RBX1: variants seen among roughly 807,000 people sequenced by gnomAD.
RBX1 encodes E3 ubiquitin-protein ligase RBX1.
For synonymous variants in RBX1, 48 were observed against 47.9 expected (o/e 1.00, Z -0.01); for missense variants, 46 against 141.4 (o/e 0.33, Z 3.42).
rs1336069832 is a variant in RBX1, at chr22:40,972,740, C to G, written c.*252C>G. Reference sequence around the variant, plus strand: ...TCCCCTTCCAAGGCTGAAAACTCAGCTTTTGAAAGTGAAATGTTTGTTCAT... The same window carrying G: ...TCCCCTTCCAAGGCTGAAAACTCAGGTTTTGAAAGTGAAATGTTTGTTCAT... On this transcript the variant is annotated 3_prime_UTR_variant, in exon 5 of 5. Transcript: ENST00000216225. 2.2e-6 allele frequency: 1 copy of G among 444,538 alleles called. No homozygotes were observed. Among genetic ancestry groups the G allele is most frequent in the East Asian group, 3.8e-5 (1 of 26,218 alleles). 27.5% of individuals were successfully genotyped at this position (444,538 alleles called of 1,614,324 possible).
At chr22:40,956,414 T>A (rs1203757757) in intron 2 of RBX1, among the ~76,000 whole-genome samples, 6 of 148,848 alleles carry the variant, frequency 4.0e-5, no homozygotes, top group South Asian at 2.1e-4. Flanking sequence ...TTTTTTTTTT[T>A]AAAGACAGAG....
At chr22:40,967,920 A>G (rs778912574) in intron 4 of RBX1, 36 bp downstream of exon 4, 2 of 1,452,892 alleles carry the variant, frequency 1.4e-6, no homozygotes, top group South Asian at 2.3e-5. Context: ...GGGCTTTTTG[A>G]CTTGCCTCAG....
intron 2 of RBX1, among the ~76,000 whole-genome samples, chr22:40,955,079 G>T (rs1353327480): frequency 1.3e-5 from 2 of 152,012 alleles, no homozygotes; most frequent in African/African-American, 2.4e-5. Context: ...AAGCCACCAT[G>T]CCCGGCCTGC....
chr22:40,962,429 G>A (rs748745788), intron 2 of RBX1, among the ~76,000 whole-genome samples: 1 of 151,508 alleles, frequency 6.6e-6, no homozygotes, highest in Admixed American at 6.6e-5. Context: ...GTATTATCAT[G>A]GTATCTCTTC....
At position 40,967,973 on chromosome 22, in the gene RBX1, G is replaced by C; in HGVS notation, c.314+89G>C. On this transcript the variant is annotated intron_variant, in intron 4 of 4. Transcript: ENST00000216225. Reference sequence around the variant, plus strand: ...CTTGGGGGATGGAGACATGATACATGCCTTGTTTTTTTTAAAACTAGTTTT... The same window carrying C: ...CTTGGGGGATGGAGACATGATACATCCCTTGTTTTTTTTAAAACTAGTTTT... The C allele has an allele frequency of 3.6e-6, 3 of 836,362 alleles. No individual in the cohort carries two copies. The South Asian group carries it at 4.4e-5, about 12-fold the overall frequency. The allele number at this position is 836,362 out of a possible 1,614,324, so 51.8% of individuals were successfully genotyped here.
chr22:40,953,832 A>G (rs945905823), intron 2 of RBX1, among the ~76,000 whole-genome samples, 199 bp downstream of exon 2: 1 of 152,186 alleles, frequency 6.6e-6, no homozygotes, highest in African/African-American at 2.4e-5. Flanking sequence ...AGCTCTCAGA[A>G]TAAATCTACT....
intron 2 of RBX1, among the ~76,000 whole-genome samples, chr22:40,955,366 T>TG (rs1170649867): frequency 6.6e-6 from 1 of 152,090 alleles, no homozygotes; most frequent in Non-Finnish European, 1.5e-5. Flanking sequence ...TCCAAAATGT[T>TG]GCGATTATAG....
At chr22:40,958,460 A>T (rs976458085) in intron 2 of RBX1, among the ~76,000 whole-genome samples, 2 of 152,200 alleles carry the variant, frequency 1.3e-5, no homozygotes, top group Admixed American at 6.5e-5. Flanking sequence ...TCTGACCTTA[A>T]ATGAGTAATT....
intron 3 of RBX1, chr22:40,966,545 G>T (rs2058354935): frequency 6.6e-6 from 1 of 152,180 alleles, no homozygotes; most frequent in African/African-American, 2.4e-5. Flanking sequence ...ACAAGAGTCA[G>T]CTGAAAAGGG....
At chr22:40,957,477 C>T (rs573079621) in intron 2 of RBX1, among the ~76,000 whole-genome samples, 1 of 151,054 alleles carries the variant, frequency 6.6e-6, no homozygotes, top group Admixed American at 6.6e-5. Flanking sequence ...GAAACCCTGT[C>T]TCTACAAAAA....
intron 4 of RBX1, 106 bp downstream of exon 4, chr22:40,967,990 A>G: frequency 1.4e-6 from 1 of 738,698 alleles, no homozygotes; most frequent in Non-Finnish European, 2.4e-6. Context: ...TTTTTTTAAA[A>G]CTAGTTTTTG....
chr22:40,967,780 AAT>A lies in RBX1; in HGVS notation c.229-14_229-13del. 6.2e-7 allele frequency: 1 copy of A among 1,607,386 alleles called. No individual in the cohort carries two copies. The highest frequency in any genetic ancestry group is 8.5e-7 in the Non-Finnish European group (1 of 1,174,312). ...GCCTGCATAGAGTTATTTTTAATAA[AAT>A]ATATGTTTTCTTTCAGCATGCTTTT... On this transcript the variant is annotated splice_polypyrimidine_tract_variant and intron_variant, in intron 3 of 4. Transcript: ENST00000216225.
intron 2 of RBX1, among the ~76,000 whole-genome samples, chr22:40,960,464 A>G (rs575092597): frequency 1.3e-5 from 2 of 152,280 alleles, no homozygotes; most frequent in Admixed American, 1.3e-4. Context: ...GACGAAGGAA[A>G]GGACTCTACC....
chr22:40,961,391 TTTATTTTTATTTTATTTTA>T (rs1441276327), intron 2 of RBX1, among the ~76,000 whole-genome samples: 1 of 151,706 alleles, frequency 6.6e-6, no homozygotes. Flanking sequence ...GACCCAATTC[TTTATTTTTATTTTATTTTA>T]TTATTTTTAT....
At chr22:40,970,762 C>A (rs1411271259) in intron 4 of RBX1, among the ~76,000 whole-genome samples, 3 of 151,888 alleles carry the variant, frequency 2.0e-5, no homozygotes, top group Non-Finnish European at 4.4e-5. Context: ...AAATAGGATT[C>A]TTTTGTTTGT....
chr22:40,952,064 C>T (rs1341416757), intron 1 of RBX1, among the ~76,000 whole-genome samples: 2 of 152,094 alleles, frequency 1.3e-5, no homozygotes, highest in African/African-American at 4.8e-5. Context: ...TCTTCTGAGA[C>T]GTCTGTTGGC....
At position 40,970,221 on chromosome 22, in the gene RBX1, T is replaced by G. The variant is rs113621722; in HGVS notation, c.315-2255T>G. Among the ~76,000 whole-genome samples, 322 of 151,486 alleles carry G rather than the reference T, an allele frequency of 2.1e-3. 1 individual carries two copies. Among genetic ancestry groups the G allele is most frequent in the Non-Finnish European group, 3.9e-3 (267 of 67,878 alleles). On this transcript the variant is annotated intron_variant, in intron 4 of 4. Coordinates refer to ENST00000216225, the MANE Select transcript of RBX1 (RefSeq NM_014248.4). Reference sequence around the variant, plus strand: ...AAATACAAAAATTAGCCAGGCATGGTGGTGCCTATAATCCCAGCTATTTGG... The same window carrying G: ...AAATACAAAAATTAGCCAGGCATGGGGGTGCCTATAATCCCAGCTATTTGG...
chr22:40,962,197 G>T (rs1250482356), intron 2 of RBX1, among the ~76,000 whole-genome samples: 1 of 151,816 alleles, frequency 6.6e-6, no homozygotes, highest in African/African-American at 2.4e-5. Flanking sequence ...TGCCCCTTGG[G>T]TTCAAGCAAT....
intron 2 of RBX1, among the ~76,000 whole-genome samples, chr22:40,961,069 A>G (rs1258937325): frequency 7.3e-6 from 1 of 136,660 alleles, no homozygotes; most frequent in East Asian, 2.1e-4. Flanking sequence ...CGGCCGAGCC[A>G]CCGTGCCTGG....
Sources: allele counts gnomAD v4.1 joint callset (sites outside exome capture counted in the v4.1 genomes callset), GRCh38; gene constraint gnomAD v4.1.1; transcripts MANE v1.5; gene names NCBI Gene and HGNC (gene_info 2026-07-23, HGNC 2026-07-21).